FYN: variants seen among roughly 807,000 people sequenced by gnomAD.
FYN encodes the protein tyrosine-protein kinase Fyn.
Under a neutral mutation model 70.2 loss-of-function variants are expected in FYN, and 10 were observed. That is an observed-to-expected ratio of 0.14 (90% CI 0.09 to 0.24). The LOEUF (loss-of-function observed/expected upper bound fraction) is 0.24, where lower values mean the gene tolerates loss of function less well. FYN is among the 10% of genes least tolerant of loss of function. FYN has a pLI of 1.00. For missense variants in FYN, 319 were observed against 673.1 expected (o/e 0.47, Z 5.82); for synonymous variants, 236 against 248.6 (o/e 0.95, Z 0.48).
At chr6:111,857,313 G>A (rs974997970) in intron 1 of FYN, among the ~76,000 whole-genome samples, 1 of 152,144 alleles carries the variant, frequency 6.6e-6, no homozygotes, top group Admixed American at 6.5e-5. Flanking sequence ...ACTTTCCACT[G>A]ACCTGAGGCC....
chr6:111,777,589 T>C (rs1771001965), intron 3 of FYN, among the ~76,000 whole-genome samples: 1 of 152,082 alleles, frequency 6.6e-6, no homozygotes, highest in South Asian at 2.1e-4. Flanking sequence ...CCCCTAACTG[T>C]GACAACCCAA....
At chr6:111,851,816 AAAG>A (rs1302345586) in intron 1 of FYN, among the ~76,000 whole-genome samples, 1 of 152,166 alleles carries the variant, frequency 6.6e-6, no homozygotes, top group Non-Finnish European at 1.5e-5. Flanking sequence ...TGCTCCCTCC[AAAG>A]AAGACAGCCA....
intron 2 of FYN, among the ~76,000 whole-genome samples, chr6:111,837,963 C>T (rs1773241775): frequency 6.6e-6 from 1 of 152,184 alleles, no homozygotes; most frequent in Admixed American, 6.5e-5. Flanking sequence ...TACACTCTGA[C>T]TGTATTCAGT....
intron 2 of FYN, among the ~76,000 whole-genome samples, chr6:111,810,467 G>A (rs114158732): frequency 8.3e-4 from 127 of 152,242 alleles, no homozygotes; most frequent in African/African-American, 3.0e-3. Flanking sequence ...CACTTTCAAT[G>A]GTTACCTCCT....
At chr6:111,726,164 G>A (rs962027674) in intron 3 of FYN, among the ~76,000 whole-genome samples, 4 of 152,178 alleles carry the variant, frequency 2.6e-5, no homozygotes, top group Non-Finnish European at 5.9e-5. Flanking sequence ...ATTTGATTTC[G>A]GCTTTGCTGA....
In FYN at chr6:111,736,790, C is replaced by G. The variant is rs1308043268; in HGVS notation, c.-11-16728G>C. On this transcript the variant is annotated intron_variant, in intron 3 of 13. Transcript: ENST00000354650. Reference sequence around the variant, plus strand: ...AATCTGGACGCACTAAATGCACTCCCCTCTAAGTCCCTTCATCATTTTCTA... The same window carrying G: ...AATCTGGACGCACTAAATGCACTCCGCTCTAAGTCCCTTCATCATTTTCTA... 3.3e-5 allele frequency among the ~76,000 whole-genome samples: 5 copies of G among 152,176 alleles called. No individual in the cohort carries two copies. The East Asian group carries it at 7.7e-4, about 23-fold the overall frequency.
chr6:111,720,636 G>A (rs1800890055), intron 3 of FYN, among the ~76,000 whole-genome samples: 1 of 152,094 alleles, frequency 6.6e-6, no homozygotes, highest in African/African-American at 2.4e-5. Flanking sequence ...TCAAAACTAA[G>A]AACTAGTTAC....
intron 3 of FYN, among the ~76,000 whole-genome samples, chr6:111,754,172 T>C (rs1227772802): frequency 1.3e-5 from 2 of 152,218 alleles, no homozygotes; most frequent in African/African-American, 4.8e-5. Context: ...CTAGGCAATA[T>C]GAAGATATTT....
At chr6:111,835,635 T>G (rs1445566313) in intron 2 of FYN, among the ~76,000 whole-genome samples, 1 of 152,172 alleles carries the variant, frequency 6.6e-6, no homozygotes, top group Non-Finnish European at 1.5e-5. Context: ...ATTTGATTTT[T>G]TTTTAGATAA....
chr6:111,790,470 C>T (rs140016560), intron 2 of FYN, among the ~76,000 whole-genome samples: 3 of 152,222 alleles, frequency 2.0e-5, no homozygotes, highest in Non-Finnish European at 4.4e-5. Flanking sequence ...GAGTCTCCCA[C>T]CCCTAACCAG....
chr6:111,706,660 T>C (rs1583336945), intron 6 of FYN, among the ~76,000 whole-genome samples: 1 of 152,368 alleles, frequency 6.6e-6, no homozygotes. Context: ...TAATTGCATA[T>C]GTAAAACCGA....
At chr6:111,684,106 C>G (rs1455676044) in intron 12 of FYN, among the ~76,000 whole-genome samples, 1 of 152,098 alleles carries the variant, frequency 6.6e-6, no homozygotes, top group African/African-American at 2.4e-5. Context: ...TATATTCCAT[C>G]TGAAATTTCA....
At chr6:111,848,849 TC>T (rs1221210039) in intron 1 of FYN, among the ~76,000 whole-genome samples, 1 of 152,338 alleles carries the variant, frequency 6.6e-6, no homozygotes, top group Non-Finnish European at 1.5e-5. Context: ...ACTTTTTATT[TC>T]AAAGATTCAT....
chr6:111,665,995 C>CTTTTT (rs991104460), intron 13 of FYN, among the ~76,000 whole-genome samples: 60 of 89,060 alleles, frequency 6.7e-4, no homozygotes, highest in East Asian at 1.0e-3. Context: ...CCTTTTTCTC[C>CTTTTT]TTTTTTTTTT....
At chr6:111,866,369 C>T (rs1400168269) in intron 1 of FYN, among the ~76,000 whole-genome samples, 1 of 152,128 alleles carries the variant, frequency 6.6e-6, no homozygotes, top group Non-Finnish European at 1.5e-5. Flanking sequence ...TGAGACAGAG[C>T]CTCACTCTCT....
At chr6:111,672,520 C>G (rs2128408240) in intron 13 of FYN, among the ~76,000 whole-genome samples, 1 of 152,330 alleles carries the variant, frequency 6.6e-6, no homozygotes, top group South Asian at 2.1e-4. Flanking sequence ...AAGATCTAGG[C>G]CCCATAGTAG....
rs1797737115 is a variant in FYN at position 111,661,687 on chromosome 6, G to C, written c.*52C>G. On this transcript the variant is annotated 3_prime_UTR_variant, in exon 14 of 14. Coordinates refer to ENST00000354650, the MANE Select transcript of FYN (RefSeq NM_002037.5). This position sits in a 1 kb window ranked among gnomAD's most constrained non-coding sequence, Gnocchi z 4.0. ...CTGGCTACGGAATTGAAAGCTAATG[G>C]GGAGGGGTGGGGCAGCCTCTGGGAC... 2 of 1,529,062 alleles carry C rather than the reference G, an allele frequency of 1.3e-6. No individual in the cohort carries two copies. Among genetic ancestry groups the C allele is most frequent in the Non-Finnish European group, 1.8e-6 (2 of 1,116,188 alleles). 94.7% of individuals were successfully genotyped at this position (1,529,062 alleles called of 1,614,324 possible).
At chr6:111,820,152 G>C (rs988471039) in intron 2 of FYN, 17 of 152,178 alleles carry the variant, frequency 1.1e-4, no homozygotes, top group African/African-American at 3.9e-4. Context: ...CCCTTAGCAA[G>C]ACAGCTCAAA....
intron 3 of FYN, among the ~76,000 whole-genome samples, chr6:111,729,979 A>G (rs1395383618): frequency 1.3e-5 from 2 of 152,164 alleles, no homozygotes; most frequent in Non-Finnish European, 2.9e-5. Context: ...TACTGATTGA[A>G]TTTGTATGTA....
Sources: allele counts gnomAD v4.1 joint callset (sites outside exome capture counted in the v4.1 genomes callset), GRCh38; gene constraint gnomAD v4.1.1; non-coding constraint Gnocchi (gnomAD v3.1); transcripts MANE v1.5; gene names NCBI Gene and HGNC (gene_info 2026-07-23, HGNC 2026-07-21).